ATXN10: variants seen among roughly 807,000 people sequenced by gnomAD.
The protein encoded by ATXN10 is ataxin-10.
ATXN10 carries 28 observed loss-of-function variants against 52.9 expected under a neutral mutation model. The observed-to-expected ratio is 0.53, with a 90% CI of 0.39 to 0.73. The LOEUF (loss-of-function observed/expected upper bound fraction) is 0.73. ATXN10 is among the 30% of genes least tolerant of loss of function. ATXN10 has a pLI of 0.00. For missense variants in ATXN10, 565 were observed against 577.0 expected (o/e 0.98, Z 0.21); for synonymous variants, 226 against 221.5 (o/e 1.02, Z -0.18).
At position 45,727,987 on chromosome 22, in the gene ATXN10, G is replaced by A. The variant is rs1455323634; in HGVS notation, c.729-1438G>A. Among the ~76,000 whole-genome samples, 1 of 151,220 alleles carries A rather than the reference G, an allele frequency of 6.6e-6. No individual in the cohort carries two copies. Among genetic ancestry groups the A allele is most frequent in the East Asian group, 1.9e-4 (1 of 5,180 alleles). On this transcript the variant is annotated intron_variant, in intron 6 of 11. Coordinates refer to ENST00000252934, the MANE Select transcript of ATXN10 (RefSeq NM_013236.4). The surrounding 1 kb of genome is among the most constrained non-coding windows in gnomAD (Gnocchi z 4.6). ...TTCTGTAAGATTCCTTATGTTTTAG[G>A]TGAGTCTCTTGAAGACAGCAGGTAT...
intron 10 of ATXN10, among the ~76,000 whole-genome samples, chr22:45,834,011 C>T (rs117279738): frequency 0.024 from 3,593 of 152,286 alleles, 65 homozygotes; most frequent in Non-Finnish European, 0.038. Context: ...GAACATCTAC[C>T]GCATAGAGAG....
chr22:45,734,101 A>G (rs944664506), intron 7 of ATXN10, among the ~76,000 whole-genome samples: 4 of 152,118 alleles, frequency 2.6e-5, no homozygotes, highest in African/African-American at 9.7e-5. Context: ...ACCTTTACAA[A>G]TAATGTTATA....
intron 10 of ATXN10, among the ~76,000 whole-genome samples, chr22:45,814,815 G>A (rs908034496): frequency 3.9e-5 from 6 of 152,124 alleles, no homozygotes; most frequent in Non-Finnish European, 7.4e-5. Flanking sequence ...GATCAGTGGC[G>A]GCATTAGATT....
chr22:45,729,784 G>A (rs927568754), intron 7 of ATXN10, 194 bp downstream of exon 7: 10 of 677,594 alleles, frequency 1.5e-5, no homozygotes, highest in Non-Finnish European at 2.3e-5. Flanking sequence ...CAGAGTCAAT[G>A]ACTTAGGCAA....
At chr22:45,722,299 G>T (rs1298914613) in intron 6 of ATXN10, among the ~76,000 whole-genome samples, 1 of 152,162 alleles carries the variant, frequency 6.6e-6, no homozygotes, top group Non-Finnish European at 1.5e-5. Context: ...TAGAGGGTTG[G>T]GTGGAGTGTC....
chr22:45,828,763 C>G lies in ATXN10; in HGVS notation c.1238-14228C>G, dbSNP rs1020308891. 1.3e-5 allele frequency among the ~76,000 whole-genome samples: 2 copies of G among 152,086 alleles called. No individual in the cohort carries two copies. Among genetic ancestry groups the G allele is most frequent in the Non-Finnish European group, 2.9e-5 (2 of 68,008 alleles). On this transcript the variant is annotated intron_variant, in intron 10 of 11. Transcript: ENST00000252934. This position sits in a 1 kb window ranked among gnomAD's most constrained non-coding sequence, Gnocchi z 4.5. ...ACTAGTTATAGTAAGACAATTAAAT[C>G]AGCAATGAAAAATCTCACAAAGAAA...
intron 6 of ATXN10, among the ~76,000 whole-genome samples, chr22:45,722,515 G>A (rs1445180584): frequency 6.6e-6 from 1 of 152,152 alleles, no homozygotes; most frequent in Admixed American, 6.5e-5. Flanking sequence ...TCTTTCCTTT[G>A]AAATCACTCA....
At chr22:45,695,890 A>G (rs555822846) in intron 3 of ATXN10, among the ~76,000 whole-genome samples, 1 of 152,308 alleles carries the variant, frequency 6.6e-6, no homozygotes, top group Admixed American at 6.5e-5. Flanking sequence ...GAAATAGGCT[A>G]AATTAGCGTG....
chr22:45,717,651 A>G (rs1301041006), intron 5 of ATXN10, among the ~76,000 whole-genome samples: 1 of 152,196 alleles, frequency 6.6e-6, no homozygotes, highest in Non-Finnish European at 1.5e-5. Flanking sequence ...TGGTTATCAG[A>G]CTGAATATAG....
chr22:45,710,900 A>C (rs1468560241), intron 5 of ATXN10, among the ~76,000 whole-genome samples: 2 of 152,156 alleles, frequency 1.3e-5, no homozygotes, highest in Non-Finnish European at 2.9e-5. Context: ...GTTGTCCTTC[A>C]GTCACTTCAG....
chr22:45,793,074 G>T, intron 9 of ATXN10: 1 of 242,372 alleles, frequency 4.1e-6, no homozygotes, highest in Non-Finnish European at 8.7e-6. Flanking sequence ...CACCAGGTTT[G>T]TCTACAGTTC....
At chr22:45,689,196 A>T (rs572453174) in intron 1 of ATXN10, among the ~76,000 whole-genome samples, 1 of 152,194 alleles carries the variant, frequency 6.6e-6, no homozygotes, top group East Asian at 1.9e-4. Context: ...ATTGTTTCTT[A>T]TAACTGAACT....
At chr22:45,821,523 G>T (rs1324995076) in intron 10 of ATXN10, among the ~76,000 whole-genome samples, 1 of 152,166 alleles carries the variant, frequency 6.6e-6, no homozygotes, top group African/African-American at 2.4e-5. Context: ...GAGCTGGGAA[G>T]GCACTGCACA....
In ATXN10 at chr22:45,690,375, C is replaced by A. The variant is rs116073351; in HGVS notation, c.308+472C>A. ...TCTGCTGGGAGAGGCCCTCTACAGG[C>A]CTTGCCATTGGAGTCTCTCTGACTA... On this transcript the variant is annotated intron_variant, in intron 2 of 11. Coordinates refer to ENST00000252934, the MANE Select transcript of ATXN10 (RefSeq NM_013236.4). This position sits in a 1 kb window ranked among gnomAD's most constrained non-coding sequence, Gnocchi z 4.5. Among the ~76,000 whole-genome samples the A allele has an allele frequency of 3.6e-3, 547 of 152,112 alleles. 3 individuals carry two copies. The highest frequency in any genetic ancestry group is 0.012 in the African/African-American group (479 of 41,464).
rs1929377989 is a variant in ATXN10 at position 45,842,499 on chromosome 22, A to G, written c.1238-492A>G. Among the ~76,000 whole-genome samples the G allele has an allele frequency of 6.6e-6, 1 of 152,182 alleles. No homozygotes were observed. The highest frequency in any genetic ancestry group is 1.5e-5 in the Non-Finnish European group (1 of 68,030). ...TCCTAGGAAACAATTCTTATTTCTAACTGGGCTCCCATTAAAACAAGATGA... is the reference window on the plus strand; with the variant it reads ...TCCTAGGAAACAATTCTTATTTCTAGCTGGGCTCCCATTAAAACAAGATGA... On this transcript the variant is annotated intron_variant, in intron 10 of 11. Coordinates refer to ENST00000252934, the MANE Select transcript of ATXN10 (RefSeq NM_013236.4). This position sits in a 1 kb window ranked among gnomAD's most constrained non-coding sequence, Gnocchi z 4.8.
At position 45,733,672 on chromosome 22, in the gene ATXN10, C is replaced by G. The variant is rs1237106390; in HGVS notation, c.894+4082C>G. Among the ~76,000 whole-genome samples the G allele has an allele frequency of 6.6e-6, 1 of 151,828 alleles. No individual in the cohort carries two copies. The highest frequency in any genetic ancestry group is 1.5e-5 in the Non-Finnish European group (1 of 67,968). On this transcript the variant is annotated intron_variant, in intron 7 of 11. Coordinates refer to ENST00000252934, the MANE Select transcript of ATXN10 (RefSeq NM_013236.4). This position sits in a 1 kb window ranked among gnomAD's most constrained non-coding sequence, Gnocchi z 4.4. ...CTCGGGAGGCGGAGGCAGAGAATCA[C>G]GTGAACCCGGGAGGCGGAGGTTGCT... is the stretch of plus-strand genomic sequence containing the variant.
rs569320391 is a variant in ATXN10 at position 45,754,587 on chromosome 22, G to A, written c.1173+14049G>A. On this transcript the variant is annotated intron_variant, in intron 9 of 11. Transcript: ENST00000252934. This position sits in a 1 kb window ranked among gnomAD's most constrained non-coding sequence, Gnocchi z 5.4. ...GTGGGAGTGCTGTCTCAGTAGTCCC[G>A]CAAGCCTGTAATCCCAGCACTTTGG... 2.0e-5 allele frequency among the ~76,000 whole-genome samples: 3 copies of A among 152,130 alleles called. No individual in the cohort carries two copies. Among genetic ancestry groups the A allele is most frequent in the African/African-American group, 4.8e-5 (2 of 41,516 alleles).
chr22:45,721,919 AAAAACAAAAC>A (rs61512720), intron 6 of ATXN10, among the ~76,000 whole-genome samples: 4,873 of 152,234 alleles, frequency 0.032, 295 homozygotes, highest in African/African-American at 0.11. Flanking sequence ...TGTCACATGA[AAAAACAAAAC>A]AAAACAAAAC....
chr22:45,843,643 A>T lies in ATXN10; in HGVS notation c.1426-26A>T, dbSNP rs755192312. ...TTGTGAACAGATTTGCTACATCTGC[A>T]ATTTTGTTTCTTTCTTCTTCTTTAG... On this transcript the variant is annotated intron_variant, in intron 11 of 11. Coordinates refer to ENST00000252934, the MANE Select transcript of ATXN10 (RefSeq NM_013236.4). The surrounding 1 kb of genome is among the most constrained non-coding windows in gnomAD (Gnocchi z 4.5). The T allele has an allele frequency of 2.5e-6, 4 of 1,610,628 alleles. No individual in the cohort carries two copies. The highest frequency in any genetic ancestry group is 3.4e-6 in the Non-Finnish European group (4 of 1,177,646).
Sources: allele counts gnomAD v4.1 joint callset (sites outside exome capture counted in the v4.1 genomes callset), GRCh38; gene constraint gnomAD v4.1.1; non-coding constraint Gnocchi (gnomAD v3.1); transcripts MANE v1.5; gene names NCBI Gene and HGNC (gene_info 2026-07-23, HGNC 2026-07-21).